LIMCH1: variants seen among roughly 807,000 people sequenced by gnomAD.
The protein encoded by LIMCH1 is LIM and calponin homology domains-containing protein 1.
Under a neutral mutation model 176.5 loss-of-function variants are expected in LIMCH1, and 113 were observed. That is an observed-to-expected ratio of 0.64 (90% CI 0.55 to 0.75). The LOEUF is 0.75. Ranked by LOEUF, LIMCH1 falls within the 30% of genes least tolerant of loss-of-function variation. LIMCH1 has a pLI of 0.00. For missense variants in LIMCH1, 1,674 were observed against 1,814.9 expected, an observed-to-expected ratio of 0.92 and a Z score of 1.41; for synonymous variants, 619 against 645.9, an observed-to-expected ratio of 0.96 and a Z score of 0.63.
At chr4:41,555,406 G>T (rs1362382776) in intron 1 of LIMCH1, among the ~76,000 whole-genome samples, 1 of 152,138 alleles carries the variant, frequency 6.6e-6, no homozygotes, top group Non-Finnish European at 1.5e-5. Context: ...GCCTTCCATT[G>T]GTTCTAAGGA....
intron 1 of LIMCH1, among the ~76,000 whole-genome samples, chr4:41,466,087 T>A (rs2066074410): frequency 6.6e-6 from 1 of 151,694 alleles, no homozygotes; most frequent in Admixed American, 6.6e-5. Flanking sequence ...GCCTCCTGAG[T>A]AGCTGGGACT....
chr4:41,675,392 C>T (rs1253692251), intron 22 of LIMCH1, among the ~76,000 whole-genome samples: 1 of 152,088 alleles, frequency 6.6e-6, no homozygotes, highest in Non-Finnish European at 1.5e-5. Context: ...TACCAGGGTA[C>T]ATAGATTTTG....
At position 41,691,592 on chromosome 4, in the gene LIMCH1, CAAAAAAAAAAA is replaced by C. The variant is rs796984431; in HGVS notation, c.4276-678_4276-668del. ...TGAAACTCCATCTTTACTAAAAATACAAAAAAAAAAAAAAAAAAAAAATAGCCAGGCGTGGT... is the reference window on the plus strand; with the variant it reads ...TGAAACTCCATCTTTACTAAAAATACAAAAAAAAAAATAGCCAGGCGTGGT... On this transcript the variant is annotated intron_variant, in intron 30 of 31. Transcript: ENST00000503057. 3.2e-3 allele frequency among the ~76,000 whole-genome samples: 198 copies of C among 62,398 alleles called. 3 individuals are homozygous for C. The highest frequency in any genetic ancestry group is 9.1e-3 in the African/African-American group (180 of 19,788). 40.9% of individuals were successfully genotyped at this position (62,398 alleles called of 152,430 possible).
chr4:41,389,519 G>T, intron 1 of LIMCH1: 1 of 170,192 alleles, frequency 5.9e-6, no homozygotes, highest in Non-Finnish European at 1.3e-5. Context: ...GTGGGCCGCA[G>T]TTGTTGATGG....
chr4:41,639,301 T>G (rs1252106709), intron 14 of LIMCH1, among the ~76,000 whole-genome samples: 1 of 152,136 alleles, frequency 6.6e-6, no homozygotes, highest in Non-Finnish European at 1.5e-5. Context: ...GCATTCTGAG[T>G]TTTGCACTTA....
rs540240960 is a variant in LIMCH1 at position 41,602,124 on chromosome 4, C to CAAA, written c.-133-1726_-133-1724dup. On this transcript the variant is annotated intron_variant, in intron 2 of 31. Transcript: ENST00000503057. ...TCTTTTAGAAGAAACTTGAGTAGAC[C>CAAA]AAAAAAAAAAAAAAAAAAAAAAAAA... is the stretch of plus-strand genomic sequence containing the variant. Among the ~76,000 whole-genome samples, 341 of 73,216 alleles carry CAAA rather than the reference C, an allele frequency of 4.7e-3. 3 individuals carry two copies. Among genetic ancestry groups the CAAA allele is most frequent in the African/African-American group, 9.4e-3 (300 of 31,872 alleles). 48.0% of individuals were successfully genotyped at this position (73,216 alleles called of 152,430 possible).
chr4:41,487,653 C>CTTTTTTT (rs149754932), intron 1 of LIMCH1, among the ~76,000 whole-genome samples: 6 of 108,148 alleles, frequency 5.5e-5, no homozygotes, highest in African/African-American at 1.1e-4. Context: ...TTTTTATATT[C>CTTTTTTT]TTTTTTTTTT....
chr4:41,456,101 A>G (rs1164159678), intron 1 of LIMCH1, among the ~76,000 whole-genome samples: 2 of 152,120 alleles, frequency 1.3e-5, no homozygotes, highest in Admixed American at 6.5e-5. Context: ...CTGGATCAGT[A>G]TCTTTGATGG....
intron 12 of LIMCH1, 118 bp from the exon 13 acceptor site, chr4:41,633,430 C>T (rs2093427686): frequency 5.7e-6 from 7 of 1,228,824 alleles, no homozygotes; most frequent in Non-Finnish European, 7.8e-6. Flanking sequence ...GCTCTGTGTG[C>T]CGCTGCCTCC....
At chr4:41,605,665 C>T (rs951834866) in intron 3 of LIMCH1, among the ~76,000 whole-genome samples, 9 of 152,292 alleles carry the variant, frequency 5.9e-5, no homozygotes, top group East Asian at 1.9e-4. Flanking sequence ...CTTTCCCTAA[C>T]GCTGGAGTCG....
intron 1 of LIMCH1, among the ~76,000 whole-genome samples, chr4:41,567,126 G>T (rs2082881760): frequency 6.6e-6 from 1 of 152,186 alleles, no homozygotes; most frequent in Non-Finnish European, 1.5e-5. Context: ...TGATGGGTCT[G>T]CATAAGAAGG....
At position 41,434,972 on chromosome 4, in the gene LIMCH1, T is replaced by A. The variant is rs531769157; in HGVS notation, c.97-59564T>A. Among the ~76,000 whole-genome samples the A allele has an allele frequency of 7.9e-5, 12 of 152,350 alleles. No individual in the cohort carries two copies. The South Asian group carries it at 2.5e-3, about 32-fold the overall frequency. The stretch of plus-strand genomic sequence containing the variant: ...CCTTTTTCCAATAGTCTGAATAAAG[T>A]CTTCCTATGGATGTTAATATCTTAA... On this transcript the variant is annotated intron_variant, in intron 1 of 26. Transcript: ENST00000313860.
intron 2 of LIMCH1, among the ~76,000 whole-genome samples, chr4:41,512,995 T>C (rs1159693935): frequency 8.5e-5 from 13 of 152,238 alleles, no homozygotes. Context: ...AGAAATCTCA[T>C]TCCAAATATC....
chr4:41,665,107 G>C (rs79806549), intron 20 of LIMCH1, among the ~76,000 whole-genome samples: 1 of 152,000 alleles, frequency 6.6e-6, no homozygotes, highest in Non-Finnish European at 1.5e-5. Flanking sequence ...CTTACTGTAC[G>C]GCTAGCTCTT....
At chr4:41,483,652 C>T (rs371665477) in intron 1 of LIMCH1, among the ~76,000 whole-genome samples, 13 of 152,172 alleles carry the variant, frequency 8.5e-5, no homozygotes, top group South Asian at 4.1e-4. Flanking sequence ...CCCCACCTGC[C>T]GGGAACCCTG....
intron 1 of LIMCH1, among the ~76,000 whole-genome samples, chr4:41,576,480 T>G (rs1000562014): frequency 1.7e-4 from 26 of 152,230 alleles, no homozygotes; most frequent in Non-Finnish European, 4.4e-5. Context: ...CTCCCATTTA[T>G]GTGAAATGAC....
intron 2 of LIMCH1, among the ~76,000 whole-genome samples, chr4:41,500,438 T>C (rs1373589748): frequency 6.6e-6 from 1 of 152,192 alleles, no homozygotes; most frequent in Non-Finnish European, 1.5e-5. Flanking sequence ...CCTTAATCGC[T>C]AAAAAATTCT....
chr4:41,695,945 T>C (rs994646191), intron 31 of LIMCH1, among the ~76,000 whole-genome samples: 1 of 152,188 alleles, frequency 6.6e-6, no homozygotes, highest in African/African-American at 2.4e-5. Flanking sequence ...ACCATTTTTC[T>C]TTCTTTTTTA....
chr4:41,619,285 G>A lies in LIMCH1; in HGVS notation c.303G>A (p.Pro101=), dbSNP rs1199516744. 9 of 1,614,070 alleles carry A rather than the reference G, an allele frequency of 5.6e-6. No homozygotes were observed. Among genetic ancestry groups the A allele is most frequent in the African/African-American group, 4.0e-5 (3 of 74,916 alleles). The change falls in exon 6 of 32, where the codon CCG becomes CCA. Residue 101 remains proline (P), a synonymous_variant. Transcript: ENST00000503057. ...MSARRTSHGE[P]KSAVPFNQYL... is the part of the protein sequence containing the mutation. The stretch of plus-strand genomic sequence containing the variant: ...CACGGCGGACTTCCCATGGTGAGCC[G>A]AAATCAGCAGTGCCTTTTAACCAGT...
Sources: allele counts gnomAD v4.1 joint callset (sites outside exome capture counted in the v4.1 genomes callset), GRCh38; gene constraint gnomAD v4.1.1; transcripts MANE v1.5; gene names NCBI Gene and HGNC (gene_info 2026-07-23, HGNC 2026-07-21).